SPTBN2: variants seen among roughly 807,000 people sequenced by gnomAD.
SPTBN2 encodes the protein spectrin beta, non-erythrocytic 2, also known as spectrin beta chain, non-erythrocytic 2.
SPTBN2 carries 107 observed loss-of-function variants against 284.2 expected under a neutral mutation model. The observed-to-expected ratio is 0.38, with a 90% CI of 0.32 to 0.44. The LOEUF is 0.44. Ranked by LOEUF, SPTBN2 falls within the 20% of genes least tolerant of loss-of-function variation. SPTBN2 has a pLI of 1.00. For synonymous variants in SPTBN2, 1,289 were observed against 1,354.8 expected (o/e 0.95, Z 1.07); for missense variants, 2,569 against 3,287.1 (o/e 0.78, Z 5.34).
upstream of SPTBN2, among the ~76,000 whole-genome samples, chr11:66,729,889 C>T (rs1942773863): frequency 6.6e-6 from 1 of 152,148 alleles, no homozygotes. Flanking sequence ...GCAACCTCCT[C>T]TTCCCGGGTT....
At chr11:66,724,936 T>A (rs1367095701) in intron 1 of SPTBN2, among the ~76,000 whole-genome samples, 1 of 151,524 alleles carries the variant, frequency 6.6e-6, no homozygotes, top group Non-Finnish European at 1.5e-5. Context: ...GAATTGGGGG[T>A]TTTGTTAAAG....
Position 66,718,921 on chromosome 11 carries a change from C to A in SPTBN2, c.157+2163G>T, listed in dbSNP as rs1037336466. On this transcript the variant is annotated intron_variant, in intron 3 of 37. Transcript: ENST00000533211. This position sits in a 1 kb window ranked among gnomAD's most constrained non-coding sequence, Gnocchi z 4.8. The stretch of plus-strand genomic sequence containing the variant: ...CCGGCGGGGGCAGGGCCAGGCCCTG[C>A]GGGGCGGCGGAGGAGGGCACTGCCA... Among the ~76,000 whole-genome samples the A allele has an allele frequency of 6.6e-6, 1 of 152,150 alleles. No homozygotes were observed. Among genetic ancestry groups the A allele is most frequent in the Admixed American group, 6.5e-5 (1 of 15,290 alleles).
rs1203531458 is a variant in SPTBN2 at position 66,684,096 on chromosome 11, C to T, written c.*1775G>A. Among the ~76,000 whole-genome samples, 2 of 152,176 alleles carry T rather than the reference C, an allele frequency of 1.3e-5. No homozygotes were observed. The highest frequency in any genetic ancestry group is 2.4e-5 in the African/African-American group (1 of 41,428). On this transcript the variant is annotated 3_prime_UTR_variant, in exon 38 of 38. Transcript: ENST00000533211. The stretch of plus-strand genomic sequence containing the variant: ...GTTCTGGGCCTGCACACACCTAACT[C>T]GGTCTTCGTCATGACTGATGATAGG...
At position 66,693,276 on chromosome 11, in the gene SPTBN2, C is replaced by T. The variant is rs750580299; in HGVS notation, c.4764G>A (p.Leu1588=). 2 of 1,613,870 alleles carry T rather than the reference C, an allele frequency of 1.2e-6. No homozygotes were observed. Among genetic ancestry groups the T allele is most frequent in the Non-Finnish European group, 1.7e-6 (2 of 1,180,048 alleles). Residue 1588 remains leucine (L), a synonymous_variant, in exon 24 of 38, where the codon CTG becomes CTA. Transcript: ENST00000533211. This position sits in a 1 kb window ranked among gnomAD's most constrained non-coding sequence, Gnocchi z 5.7. Reference sequence around the variant, plus strand: ...CATCGCGGTAGAACTGCTGGGCTCGCAGGGCATCCTCCAGTCGCTTCCCTC... The same window carrying T: ...CATCGCGGTAGAACTGCTGGGCTCGTAGGGCATCCTCCAGTCGCTTCCCTC... ...ELRGKRLEDA[L]RAQQFYRDAA...
At chr11:66,717,596 G>A (rs1942205514) in intron 3 of SPTBN2, among the ~76,000 whole-genome samples, 1 of 152,158 alleles carries the variant, frequency 6.6e-6, no homozygotes. Context: ...AGGTGCCTTG[G>A]GGCCTCCCGG....
In SPTBN2 at chr11:66,683,879, A is replaced by G. The variant is rs1939939176; in HGVS notation, c.*1992T>C. ...ACTGTCTCTTCAGTGGAGATTTTAC[A>G]GTTGTATTTGAAGAAAAGATGCTGT... On this transcript the variant is annotated 3_prime_UTR_variant, in exon 38 of 38. Coordinates refer to ENST00000533211, the MANE Select transcript of SPTBN2 (RefSeq NM_006946.4). Among the ~76,000 whole-genome samples the G allele has an allele frequency of 6.6e-6, 1 of 152,196 alleles. No individual in the cohort carries two copies. The highest frequency in any genetic ancestry group is 2.1e-4 in the South Asian group (1 of 4,832).
In SPTBN2 at chr11:66,691,138, G is replaced by A; in HGVS notation, c.5565+146C>T. The A allele has an allele frequency of 8.0e-7, 1 of 1,248,926 alleles. No homozygotes were observed. The highest frequency in any genetic ancestry group is 1.1e-6 in the Non-Finnish European group (1 of 927,656). The allele number at this position is 1,248,926 out of a possible 1,614,324, so 77.4% of individuals were successfully genotyped here. On this transcript the variant is annotated intron_variant, in intron 27 of 37. Transcript: ENST00000533211. The surrounding 1 kb of genome is among the most constrained non-coding windows in gnomAD (Gnocchi z 8.0). ...GGCCAAACAGAGATGTTTTCTTGGAGCAATTTCCTCATCTCGAAATGGCCC... is the reference window on the plus strand; with the variant it reads ...GGCCAAACAGAGATGTTTTCTTGGAACAATTTCCTCATCTCGAAATGGCCC...
In SPTBN2 at chr11:66,687,958, G is replaced by A. The variant is rs761495358; in HGVS notation, c.6451-40C>T. 36 of 1,614,070 alleles carry A rather than the reference G, an allele frequency of 2.2e-5. No individual in the cohort carries two copies. The highest frequency in any genetic ancestry group is 2.7e-5 in the Non-Finnish European group (32 of 1,180,024). On this transcript the variant is annotated intron_variant, in intron 33 of 37. Transcript: ENST00000533211. This position sits in a 1 kb window ranked among gnomAD's most constrained non-coding sequence, Gnocchi z 5.2. Reference sequence around the variant, plus strand: ...ATCTGTAAAAGGATGTGCGGGGGTGGAGGGGCTACGACTCCGATGGGGGCA... The same window carrying A: ...ATCTGTAAAAGGATGTGCGGGGGTGAAGGGGCTACGACTCCGATGGGGGCA...
At position 66,708,885 on chromosome 11, in the gene SPTBN2, T is replaced by C. The variant is rs763505286; in HGVS notation, c.1191+17A>G. On this transcript the variant is annotated intron_variant, in intron 11 of 37. Coordinates refer to ENST00000533211, the MANE Select transcript of SPTBN2 (RefSeq NM_006946.4). This position sits in a 1 kb window ranked among gnomAD's most constrained non-coding sequence, Gnocchi z 4.4. Reference sequence around the variant, plus strand: ...GGGCCTGCCCTGAGGGTGGGTGGCCTGTGGGCAGCCACGGACCTTGTTGAT... The same window carrying C: ...GGGCCTGCCCTGAGGGTGGGTGGCCCGTGGGCAGCCACGGACCTTGTTGAT... 3.2e-5 allele frequency: 51 copies of C among 1,609,076 alleles called. No individual in the cohort carries two copies. The highest frequency in any genetic ancestry group is 4.3e-5 in the Non-Finnish European group (50 of 1,175,862).
chr11:66,707,686 G>A lies in SPTBN2; in HGVS notation c.1483C>T (p.Arg495Cys), dbSNP rs779487152. The A allele has an allele frequency of 2.3e-5, 37 of 1,605,486 alleles. No homozygotes were observed. The highest frequency in any genetic ancestry group is 2.0e-4 in the Admixed American group (12 of 59,952). Residue 495 changes from arginine (R) to cysteine (C), a missense_variant, in exon 13 of 38, where the codon CGC (arginine) becomes TGC (cysteine). This residue lies in a region of SPTBN2 where 1,012 missense variants were observed against 1,248.9 expected (regional missense o/e 0.81). Transcript: ENST00000533211. This position sits in a 1 kb window ranked among gnomAD's most constrained non-coding sequence, Gnocchi z 4.9. Reference sequence around the variant, plus strand: ...GCGATGCGCTTGATGTCGTGGTAGCGCTCGGCGGCCAGCTCTGCAGCCACG... The same window carrying A: ...GCGATGCGCTTGATGTCGTGGTAGCACTCGGCGGCCAGCTCTGCAGCCACG... ...DAVAAELAAE[R>C]YHDIKRIAAR... is the part of the protein sequence containing the mutation.
Position 66,691,776 on chromosome 11 carries a change from C to T in SPTBN2, c.5191-118G>A, listed in dbSNP as rs1407785403. 2 of 1,452,366 alleles carry T rather than the reference C, an allele frequency of 1.4e-6. No homozygotes were observed. Among genetic ancestry groups the T allele is most frequent in the Admixed American group, 1.8e-5 (1 of 54,304 alleles). 90.0% of individuals were successfully genotyped at this position (1,452,366 alleles called of 1,614,324 possible). ...CCCACCTCTCCCCGCTGCATGGGGG[C>T]CGGGACAGGTTTCTTCCCTGTGGTT... On this transcript the variant is annotated intron_variant, in intron 26 of 37. Transcript: ENST00000533211. The surrounding 1 kb of genome is among the most constrained non-coding windows in gnomAD (Gnocchi z 8.0).
intron 1 of SPTBN2, among the ~76,000 whole-genome samples, chr11:66,738,388 A>T (rs1204198801): frequency 3.3e-5 from 5 of 152,268 alleles, no homozygotes; most frequent in Non-Finnish European, 7.3e-5. Context: ...GAATAGAGAC[A>T]TCCTGACCCT....
upstream of SPTBN2, among the ~76,000 whole-genome samples, chr11:66,730,933 C>A (rs1942802694): frequency 6.6e-6 from 1 of 152,096 alleles, no homozygotes; most frequent in African/African-American, 2.4e-5. Flanking sequence ...ATGTTCTTTC[C>A]TCTCTGCTAG....
chr11:66,711,106 C>T, intron 8 of SPTBN2, 77 bp from the exon 9 acceptor site: 1 of 1,142,196 alleles, frequency 8.8e-7, no homozygotes, highest in Non-Finnish European at 1.3e-6. Flanking sequence ...AAACCCTGGG[C>T]CTGCCCAGTC....
chr11:66,683,362 G>A lies in SPTBN2; in HGVS notation c.*2509C>T, dbSNP rs576748279. ...ATTACAGGCGTGAGCCACCGCGCCCGGCCCAAGTAATCCATTTTTATCTGC... is the reference window on the plus strand; with the variant it reads ...ATTACAGGCGTGAGCCACCGCGCCCAGCCCAAGTAATCCATTTTTATCTGC... On this transcript the variant is annotated 3_prime_UTR_variant, in exon 38 of 38. Transcript: ENST00000533211. Among the ~76,000 whole-genome samples, 53 of 152,220 alleles carry A rather than the reference G, an allele frequency of 3.5e-4. No homozygotes were observed. Among genetic ancestry groups the A allele is most frequent in the South Asian group, 2.1e-4 (1 of 4,814 alleles).
At position 66,691,794 on chromosome 11, in the gene SPTBN2, C is replaced by T; in HGVS notation, c.5191-136G>A. On this transcript the variant is annotated intron_variant, in intron 26 of 37. Coordinates refer to ENST00000533211, the MANE Select transcript of SPTBN2 (RefSeq NM_006946.4). This position sits in a 1 kb window ranked among gnomAD's most constrained non-coding sequence, Gnocchi z 8.0. Reference sequence around the variant, plus strand: ...ATGGGGGCCGGGACAGGTTTCTTCCCTGTGGTTAAGGAGTAGGTGCAGCTG... The same window carrying T: ...ATGGGGGCCGGGACAGGTTTCTTCCTTGTGGTTAAGGAGTAGGTGCAGCTG... 7.5e-7 allele frequency: 1 copy of T among 1,341,406 alleles called. No homozygotes were observed. The highest frequency in any genetic ancestry group is 1.2e-5 in the South Asian group (1 of 80,562). 83.1% of individuals were successfully genotyped at this position (1,341,406 alleles called of 1,614,324 possible).
intron 1 of SPTBN2, among the ~76,000 whole-genome samples, chr11:66,738,730 G>A (rs1029572609): frequency 4.6e-5 from 7 of 151,954 alleles, no homozygotes; most frequent in African/African-American, 1.7e-4. Context: ...TGGCCAAGAT[G>A]GTCTCTATCT....
In SPTBN2 at chr11:66,714,427, G is replaced by A; in HGVS notation, c.484-20C>T. On this transcript the variant is annotated intron_variant, in intron 5 of 37. Transcript: ENST00000533211. ...TTGGATCTAGGAAGGAAGCAAGCAG[G>A]GCCCTCAGTCCCTGGACAGGAACTC... 1 of 1,602,012 alleles carries A rather than the reference G, an allele frequency of 6.2e-7. No homozygotes were observed. Among genetic ancestry groups the A allele is most frequent in the Non-Finnish European group, 8.6e-7 (1 of 1,169,420 alleles).
At chr11:66,695,246 C>A (rs542284376) in intron 21 of SPTBN2, among the ~76,000 whole-genome samples, 3 of 152,222 alleles carry the variant, frequency 2.0e-5, no homozygotes, top group South Asian at 2.1e-4. Context: ...TATTGGACCA[C>A]AGCTGCACCC....
Sources: allele counts gnomAD v4.1 joint callset (sites outside exome capture counted in the v4.1 genomes callset), GRCh38; gene constraint gnomAD v4.1.1; regional missense constraint gnomAD v4.1.1; non-coding constraint Gnocchi (gnomAD v3.1); transcripts MANE v1.5; gene names NCBI Gene and HGNC (gene_info 2026-07-23, HGNC 2026-07-21).